Variants in SPOCK1 observed in about 807,000 individuals in gnomAD.
SPOCK1 encodes testican-1.
Under a neutral mutation model 55.3 loss-of-function variants are expected in SPOCK1, and 23 were observed. The ratio of observed to expected loss-of-function variants is 0.42; its 90% confidence interval spans 0.30 to 0.59. The LOEUF is 0.59. Ranked by LOEUF, SPOCK1 falls within the 20% of genes least tolerant of loss-of-function variation. SPOCK1 has a pLI of 0.22. For synonymous variants in SPOCK1, 226 were observed against 221.0 expected (o/e 1.02, Z -0.20); for missense variants, 499 against 552.5 (o/e 0.90, Z 0.97).
chr5:137,185,156 A>AG (rs1298638268), intron 3 of SPOCK1, among the ~76,000 whole-genome samples: 4 of 152,148 alleles, frequency 2.6e-5, no homozygotes, highest in Non-Finnish European at 5.9e-5. Context: ...CAGTTGGGAG[A>AG]GGGGGAGGGA....
At chr5:137,071,025 T>C (rs889782954) in intron 5 of SPOCK1, among the ~76,000 whole-genome samples, 1 of 150,588 alleles carries the variant, frequency 6.6e-6, no homozygotes, top group Non-Finnish European at 1.5e-5. Flanking sequence ...ATTTCTTTTT[T>C]TTTTTTTTTT....
At chr5:136,998,487 TC>T (rs1438073534) in intron 6 of SPOCK1, among the ~76,000 whole-genome samples, 1 of 152,246 alleles carries the variant, frequency 6.6e-6, no homozygotes, top group African/African-American at 2.4e-5. Flanking sequence ...CAGGCTGTCA[TC>T]CTGCTGGGCC....
intron 2 of SPOCK1, among the ~76,000 whole-genome samples, chr5:137,358,616 G>C (rs1750874625): frequency 6.6e-6 from 1 of 152,048 alleles, no homozygotes; most frequent in Non-Finnish European, 1.5e-5. Context: ...TATCTCCCCA[G>C]ACAGCCGTAT....
intron 2 of SPOCK1, among the ~76,000 whole-genome samples, chr5:137,335,808 T>C (rs1438095232): frequency 6.6e-6 from 1 of 152,174 alleles, no homozygotes; most frequent in African/African-American, 2.4e-5. Context: ...TGGAACAAAT[T>C]TCAGCATGTT....
At chr5:137,265,424 C>T (rs1756829551) in intron 3 of SPOCK1, among the ~76,000 whole-genome samples, 1 of 152,154 alleles carries the variant, frequency 6.6e-6, no homozygotes, top group Non-Finnish European at 1.5e-5. Flanking sequence ...GTTACCTTTG[C>T]AAGCAAAAGC....
At chr5:137,046,850 C>T (rs1351703325) in intron 6 of SPOCK1, among the ~76,000 whole-genome samples, 1 of 29,114 alleles carries the variant, frequency 3.4e-5, no homozygotes, top group Non-Finnish European at 9.2e-5. Context: ...TAGCATGAAG[C>T]GTTGTTGAAT....
intron 5 of SPOCK1, among the ~76,000 whole-genome samples, chr5:137,110,383 G>T (rs141703054): frequency 6.6e-6 from 1 of 152,304 alleles, no homozygotes; most frequent in East Asian, 1.9e-4. Flanking sequence ...TGTCAGACCT[G>T]TCATCTCAGA....
intron 6 of SPOCK1, among the ~76,000 whole-genome samples, chr5:137,064,300 C>T (rs796545906): frequency 6.6e-5 from 10 of 152,274 alleles, no homozygotes; most frequent in African/African-American, 2.2e-4. Flanking sequence ...CTTTATGTTT[C>T]ACCTCAGAAA....
intron 6 of SPOCK1, among the ~76,000 whole-genome samples, chr5:137,015,285 C>CAAAAAAAAAA: frequency 7.2e-6 from 1 of 139,400 alleles, no homozygotes; most frequent in Non-Finnish European, 1.6e-5. Context: ...ACTAAAAATA[C>CAAAAAAAAAA]AAAAAAAAAA....
At chr5:137,492,135 T>C (rs1754194338) in intron 2 of SPOCK1, among the ~76,000 whole-genome samples, 1 of 152,178 alleles carries the variant, frequency 6.6e-6, no homozygotes, top group Non-Finnish European at 1.5e-5. Flanking sequence ...TGGGATCCAA[T>C]GAAACCCCTC....
Position 137,200,141 on chromosome 5 carries a change from G to A in SPOCK1, c.233-59447C>T, listed in dbSNP as rs147927492. ...CTTCTGTATTAGTCATGGCCCCATG[G>A]CTTCTCTGTTTTCATTGTCAAATAT... On this transcript the variant is annotated intron_variant, in intron 3 of 10. Transcript: ENST00000394945. Among the ~76,000 whole-genome samples, 250 of 152,232 alleles carry A rather than the reference G, an allele frequency of 1.6e-3. 8 individuals carry two copies. In the East Asian group the frequency reaches 0.043, roughly 26 times the overall value.
intron 5 of SPOCK1, among the ~76,000 whole-genome samples, chr5:137,084,954 C>A (rs1194330141): frequency 0.024 from 2,732 of 113,744 alleles, no homozygotes; most frequent in African/African-American, 0.032. Context: ...TTATACAAAG[C>A]AAAAAAAAAA....
chr5:137,407,859 C>T (rs1345094143), intron 2 of SPOCK1, among the ~76,000 whole-genome samples: 2 of 152,176 alleles, frequency 1.3e-5, no homozygotes, highest in East Asian at 1.9e-4. Flanking sequence ...CCCATTGGTG[C>T]TTTCCCCTAT....
At chr5:137,442,094 G>A (rs185824870) in intron 2 of SPOCK1, among the ~76,000 whole-genome samples, 6 of 152,310 alleles carry the variant, frequency 3.9e-5, no homozygotes, top group African/African-American at 1.2e-4. Flanking sequence ...TGACATTCTG[G>A]CAGATCTTGA....
intron 2 of SPOCK1, among the ~76,000 whole-genome samples, chr5:137,488,920 T>C (rs1036962110): frequency 2.6e-5 from 4 of 152,210 alleles, no homozygotes; most frequent in Non-Finnish European, 4.4e-5. Flanking sequence ...CCTTCCTCCC[T>C]TTCCCCAAAG....
chr5:137,125,082 A>C (rs1753761265), intron 4 of SPOCK1, among the ~76,000 whole-genome samples: 1 of 152,220 alleles, frequency 6.6e-6, no homozygotes, highest in South Asian at 2.1e-4. Context: ...TGGTATTAAT[A>C]GCACTAACTC....
chr5:137,316,579 C>T (rs890866254), intron 2 of SPOCK1, among the ~76,000 whole-genome samples: 1 of 152,204 alleles, frequency 6.6e-6, no homozygotes, highest in Non-Finnish European at 1.5e-5. Context: ...TTGTGACTCA[C>T]AGTTTATTAT....
chr5:137,389,256 T>G (rs1751662220), intron 2 of SPOCK1, among the ~76,000 whole-genome samples: 1 of 152,250 alleles, frequency 6.6e-6, no homozygotes, highest in African/African-American at 2.4e-5. Context: ...AAGAACACCT[T>G]GTCCTGGTCC....
At position 136,978,650 on chromosome 5, in the gene SPOCK1, G is replaced by C. The variant is rs778508137; in HGVS notation, c.*4C>G. The C allele has an allele frequency of 3.1e-6, 5 of 1,590,060 alleles. No homozygotes were observed. In the South Asian group the frequency reaches 5.8e-5, roughly 18 times the overall value. ...CAAAACTTGTGTCCTCTTTCTTGTG[G>C]GCACTACCATATGTACCCGACCTCA... On this transcript the variant is annotated 3_prime_UTR_variant, in exon 11 of 11. Transcript: ENST00000394945.
Sources: allele counts gnomAD v4.1 joint callset (sites outside exome capture counted in the v4.1 genomes callset), GRCh38; gene constraint gnomAD v4.1.1; transcripts MANE v1.5; gene names NCBI Gene and HGNC (gene_info 2026-07-23, HGNC 2026-07-21).